EYS: variants seen among roughly 807,000 people sequenced by gnomAD.
The protein encoded by EYS is protein eyes shut homolog.
Under a neutral mutation model 282.1 loss-of-function variants are expected in EYS, and 250 were observed. That is an observed-to-expected ratio of 0.89 (90% CI 0.80 to 0.98). EYS has a LOEUF of 0.98. Among genes scored for constraint, EYS ranks in the 50% least tolerant of loss-of-function variants. The probability of loss-of-function intolerance (pLI) is 0.00; values close to 1 mark genes in which losing one functional copy is unlikely to be tolerated. For missense variants in EYS, 4,016 were observed against 3,709.0 expected, an observed-to-expected ratio of 1.08 and a Z score of -2.15; for synonymous variants, 1,355 against 1,282.9, an observed-to-expected ratio of 1.06 and a Z score of -1.20.
intron 22 of EYS, among the ~76,000 whole-genome samples, chr6:64,673,442 T>C (rs1386806579): frequency 6.6e-6 from 1 of 152,152 alleles, no homozygotes; most frequent in Non-Finnish European, 1.5e-5. Context: ...TCTCATTCTT[T>C]GCCCTTAATA....
At chr6:63,844,402 C>T (rs114625549) in intron 36 of EYS, among the ~76,000 whole-genome samples, 308 of 152,256 alleles carry the variant, frequency 2.0e-3, no homozygotes, top group African/African-American at 6.9e-3. Context: ...AATGGTATTT[C>T]TGCCTCTAAG....
intron 29 of EYS, among the ~76,000 whole-genome samples, chr6:64,387,966 C>T (rs1014802508): frequency 9.9e-5 from 15 of 151,940 alleles, no homozygotes; most frequent in Non-Finnish European, 2.1e-4. Context: ...GAAACAATAG[C>T]ATTTTATATT....
chr6:64,083,841 G>A (rs1391548867), intron 31 of EYS, among the ~76,000 whole-genome samples: 1 of 152,124 alleles, frequency 6.6e-6, no homozygotes, highest in African/African-American at 2.4e-5. Flanking sequence ...GGCTTCAAGC[G>A]ATTCTCCTGC....
At chr6:64,724,294 G>C (rs893458832) in intron 22 of EYS, among the ~76,000 whole-genome samples, 1 of 152,184 alleles carries the variant, frequency 6.6e-6, no homozygotes, top group Non-Finnish European at 1.5e-5. Context: ...AGCATGTGCA[G>C]TTTTGACAGT....
At chr6:65,201,250 A>G (rs1765893329) in intron 12 of EYS, among the ~76,000 whole-genome samples, 1 of 152,164 alleles carries the variant, frequency 6.6e-6, no homozygotes, top group Non-Finnish European at 1.5e-5. Flanking sequence ...CTGACATAAC[A>G]TTTAAATTTA....
intron 41 of EYS, chr6:63,745,048 C>A: frequency 2.4e-6 from 1 of 416,166 alleles, no homozygotes; most frequent in Non-Finnish European, 4.7e-6. Context: ...TATTCAGATG[C>A]CAAAAAAGGT....
chr6:64,720,128 C>A (rs1030253930), intron 22 of EYS, among the ~76,000 whole-genome samples: 10 of 152,174 alleles, frequency 6.6e-5, no homozygotes, highest in Admixed American at 6.5e-5. Flanking sequence ...CTACTGGAGG[C>A]ACTAAGATAG....
At chr6:64,942,849 A>T (rs200079848) in intron 15 of EYS, among the ~76,000 whole-genome samples, 4,865 of 150,272 alleles carry the variant, frequency 0.032, 106 homozygotes, top group East Asian at 0.13. Flanking sequence ...AAAAACAAAA[A>T]TGAAGTCGAA....
At chr6:64,480,382 A>G (rs890587008) in intron 26 of EYS, among the ~76,000 whole-genome samples, 1 of 151,934 alleles carries the variant, frequency 6.6e-6, no homozygotes, top group African/African-American at 2.4e-5. Context: ...ACCAAATTTT[A>G]TCTCAACTTG....
intron 30 of EYS, among the ~76,000 whole-genome samples, chr6:64,293,712 A>G (rs541543981): frequency 1.3e-5 from 2 of 152,148 alleles, no homozygotes; most frequent in East Asian, 3.9e-4. Context: ...ATGCATAGAG[A>G]TGTATTTTAT....
chr6:65,514,041 C>T (rs1370544739), intron 2 of EYS, among the ~76,000 whole-genome samples: 1 of 151,888 alleles, frequency 6.6e-6, no homozygotes, highest in Non-Finnish European at 1.5e-5. Context: ...TCTAGAAAAC[C>T]CCATTGTCTC....
At chr6:64,939,406 G>A (rs981443811) in intron 15 of EYS, among the ~76,000 whole-genome samples, 4 of 151,796 alleles carry the variant, frequency 2.6e-5, no homozygotes, top group African/African-American at 9.7e-5. Context: ...AAATCACTAG[G>A]AGTTCACAAT....
chr6:64,412,280 A>C (rs2150444613), intron 28 of EYS, among the ~76,000 whole-genome samples: 1 of 152,242 alleles, frequency 6.6e-6, no homozygotes, highest in South Asian at 2.1e-4. Context: ...CACAAAAATT[A>C]ATCATTCTTT....
chr6:64,858,094 T>A (rs1766122501), intron 19 of EYS, among the ~76,000 whole-genome samples: 1 of 152,182 alleles, frequency 6.6e-6, no homozygotes, highest in Non-Finnish European at 1.5e-5. Flanking sequence ...CAGAAATTTT[T>A]AGTTTGATGC....
At chr6:65,129,480 A>G (rs2150201488) in intron 12 of EYS, among the ~76,000 whole-genome samples, 1 of 152,126 alleles carries the variant, frequency 6.6e-6, no homozygotes, top group East Asian at 1.9e-4. Context: ...AAATCAAATA[A>G]CCCCATTAAA....
chr6:64,887,187 A>C (rs1185040985), intron 18 of EYS, among the ~76,000 whole-genome samples: 1 of 149,824 alleles, frequency 6.7e-6, no homozygotes, highest in Non-Finnish European at 1.5e-5. Flanking sequence ...AGGACAAAAA[A>C]CCAAACACCG....
intron 12 of EYS, among the ~76,000 whole-genome samples, chr6:65,199,061 C>T (rs1189420527): frequency 6.6e-6 from 1 of 151,998 alleles, no homozygotes; most frequent in African/African-American, 2.4e-5. Flanking sequence ...AATTAGACAT[C>T]CAGTAGTCCC....
chr6:64,851,279 C>G (rs1234927127), intron 19 of EYS, among the ~76,000 whole-genome samples: 2 of 152,010 alleles, frequency 1.3e-5, no homozygotes, highest in African/African-American at 4.8e-5. Context: ...TTGATGACAT[C>G]TGGACTTGTT....
At chr6:64,412,260 A>G (rs1773925760) in intron 28 of EYS, among the ~76,000 whole-genome samples, 1 of 152,110 alleles carries the variant, frequency 6.6e-6, no homozygotes, top group African/African-American at 2.4e-5. Flanking sequence ...GGTAAATTTT[A>G]CTAAAAGCAC....
Sources: allele counts gnomAD v4.1 joint callset (sites outside exome capture counted in the v4.1 genomes callset), GRCh38; gene constraint gnomAD v4.1.1; transcripts MANE v1.5; gene names NCBI Gene and HGNC (gene_info 2026-07-23, HGNC 2026-07-21).